The following HS3ST2 variants were observed in gnomAD, a reference collection of about 807,000 sequenced individuals.
HS3ST2 encodes heparan sulfate-glucosamine 3-sulfotransferase 2.
A neutral mutation model predicts 26.3 loss-of-function variants in HS3ST2; 17 were observed. That is an observed-to-expected ratio of 0.65 (90% CI 0.44 to 0.97). The LOEUF is 0.97. HS3ST2 is among the 50% of genes least tolerant of loss of function. HS3ST2 has a pLI of 0.00. For synonymous variants in HS3ST2, 237 were observed against 219.2 expected, an observed-to-expected ratio of 1.08 and a Z score of -0.72; for missense variants, 402 against 501.2, an observed-to-expected ratio of 0.80 and a Z score of 1.89.
At chr16:22,902,287 G>C (rs1749511347) in intron 1 of HS3ST2, among the ~76,000 whole-genome samples, 3 of 152,108 alleles carry the variant, frequency 2.0e-5, no homozygotes, top group Admixed American at 1.3e-4. Flanking sequence ...GTTGTTTCTG[G>C]TCTTTTTTTT....
chr16:22,861,890 A>C (rs1901679481), intron 1 of HS3ST2, among the ~76,000 whole-genome samples: 1 of 152,156 alleles, frequency 6.6e-6, no homozygotes, highest in Non-Finnish European at 1.5e-5. Flanking sequence ...TCTGCTCCCC[A>C]GTCTCAGCCT....
rs1902486035 is a variant in HS3ST2, at chr16:22,915,662, A to G, written c.*100A>G. On this transcript the variant is annotated 3_prime_UTR_variant, in exon 2 of 2. Transcript: ENST00000261374. ...TCTCCCTCCAACAAACCCTGGCTCC[A>G]GCCCCCTTTCCCAACTTGAGTTGCA... is the stretch of plus-strand genomic sequence containing the variant. 7.4e-7 allele frequency: 1 copy of G among 1,347,188 alleles called. No homozygotes were observed. The highest frequency in any genetic ancestry group is 1.5e-5 in the African/African-American group (1 of 68,214). The allele number at this position is 1,347,188 out of a possible 1,614,324, so 83.5% of individuals were successfully genotyped here.
intron 1 of HS3ST2, among the ~76,000 whole-genome samples, chr16:22,891,643 C>G (rs891727329): frequency 6.6e-6 from 1 of 152,136 alleles, no homozygotes; most frequent in Non-Finnish European, 1.5e-5. Flanking sequence ...ATTTCTTTGA[C>G]GTCTAATGAC....
intron 1 of HS3ST2, among the ~76,000 whole-genome samples, chr16:22,885,023 T>C (rs1902041985): frequency 1.3e-5 from 2 of 152,016 alleles, no homozygotes; most frequent in South Asian, 4.2e-4. Context: ...TTATTTTTAG[T>C]AGAGATAGGG....
At position 22,915,406 on chromosome 16, in the gene HS3ST2, A is replaced by C; in HGVS notation, c.948A>C (p.Lys316Asn). ...NKTKGFPCLK[K>N]TESSLLPRCL... is the part of the protein sequence containing the mutation. ...CCAAAGGATTCCCTTGCTTGAAAAAAACAGAATCGAGCCTCCTGCCTCGAT... is the reference window on the plus strand; with the variant it reads ...CCAAAGGATTCCCTTGCTTGAAAAACACAGAATCGAGCCTCCTGCCTCGAT... The change falls in exon 2 of 2, where the codon AAA becomes AAC. Residue 316 changes from lysine to asparagine, a missense_variant. Coordinates refer to ENST00000261374, the MANE Select transcript of HS3ST2 (RefSeq NM_006043.2). 2 of 1,614,214 alleles carry C rather than the reference A, an allele frequency of 1.2e-6. No individual in the cohort carries two copies. The highest frequency in any genetic ancestry group is 2.2e-5 in the South Asian group (2 of 91,076).
At chr16:22,825,504 G>A (rs992131476) in intron 1 of HS3ST2, among the ~76,000 whole-genome samples, 1 of 152,162 alleles carries the variant, frequency 6.6e-6, no homozygotes, top group Non-Finnish European at 1.5e-5. Context: ...AGAGATACAA[G>A]GAGAGCTATA....
chr16:22,889,211 T>G (rs1210638205), intron 1 of HS3ST2, among the ~76,000 whole-genome samples: 2 of 152,298 alleles, frequency 1.3e-5, no homozygotes, highest in African/African-American at 4.8e-5. Flanking sequence ...GGACAAAGGA[T>G]TAAGCAGAGA....
intron 1 of HS3ST2, among the ~76,000 whole-genome samples, chr16:22,860,587 A>C (rs1014253012): frequency 2.6e-5 from 4 of 152,138 alleles, no homozygotes; most frequent in Non-Finnish European, 5.9e-5. Flanking sequence ...TCCCACCTCT[A>C]GGCAGGAATT....
chr16:22,842,067 T>C (rs897693836), intron 1 of HS3ST2, among the ~76,000 whole-genome samples: 8 of 145,706 alleles, frequency 5.5e-5, no homozygotes, highest in East Asian at 3.9e-4. Flanking sequence ...TCTTTCTTTT[T>C]TTTTTTTTTT....
intron 1 of HS3ST2, among the ~76,000 whole-genome samples, chr16:22,827,161 G>A (rs1369156398): frequency 1.3e-5 from 2 of 152,152 alleles, no homozygotes; most frequent in Non-Finnish European, 2.9e-5. Flanking sequence ...AGCAGCACAC[G>A]TGCAAAGGCC....
At chr16:22,893,634 C>CTTTTTTTTTTTTTTTTTTTTTTTT (rs56664558) in intron 1 of HS3ST2, among the ~76,000 whole-genome samples, 1 of 130,278 alleles carries the variant, frequency 7.7e-6, no homozygotes, top group African/African-American at 2.9e-5. Context: ...TTTTTCTTTT[C>CTTTTTTTTTTTTTTTTTTTTTTTT]TTTTTTTTTT....
chr16:22,830,925 G>C (rs1273135735), intron 1 of HS3ST2, among the ~76,000 whole-genome samples: 3 of 152,158 alleles, frequency 2.0e-5, no homozygotes, highest in Admixed American at 1.3e-4. Flanking sequence ...CCTAAATGAG[G>C]CTCCTCAACT....
chr16:22,822,635 C>T (rs1334969781), intron 1 of HS3ST2, among the ~76,000 whole-genome samples: 2 of 152,104 alleles, frequency 1.3e-5, no homozygotes, highest in Non-Finnish European at 2.9e-5. Context: ...AGGTGGATCA[C>T]CTGAGGTCAG....
intron 1 of HS3ST2, among the ~76,000 whole-genome samples, chr16:22,901,858 T>C (rs1902285687): frequency 6.6e-6 from 1 of 152,164 alleles, no homozygotes; most frequent in African/African-American, 2.4e-5. Context: ...TCCTAAATAA[T>C]ATCAATGGAG....
rs374187052 is a variant in HS3ST2 at position 22,915,924 on chromosome 16, G to A, written c.*362G>A. 8.8e-5 allele frequency: 19 copies of A among 215,824 alleles called. No individual in the cohort carries two copies. The South Asian group carries it at 1.7e-3, about 20-fold the overall frequency. 13.4% of individuals were successfully genotyped at this position (215,824 alleles called of 1,614,324 possible). ...TTCTGTTGCTATGAACACAGCAGTC[G>A]GTCCCTGTCATTGTCCACCCAGGAG... On this transcript the variant is annotated 3_prime_UTR_variant, in exon 2 of 2. Transcript: ENST00000261374.
In HS3ST2 at chr16:22,824,142, G is replaced by C. The variant is rs574314323; in HGVS notation, c.485+9047G>C. 5.8e-4 allele frequency among the ~76,000 whole-genome samples: 88 copies of C among 152,342 alleles called. 1 individual carries two copies. The South Asian group carries it at 0.012, about 21-fold the overall frequency. ...GCAATTTATGAGACAGTGGCACAAG[G>C]CTTTTCTTTATTTTAATTTTGAGGC... On this transcript the variant is annotated intron_variant, in intron 1 of 1. Coordinates refer to ENST00000261374, the MANE Select transcript of HS3ST2 (RefSeq NM_006043.2).
At chr16:22,882,327 A>T (rs1038898650) in intron 1 of HS3ST2, among the ~76,000 whole-genome samples, 23 of 152,158 alleles carry the variant, frequency 1.5e-4, no homozygotes, top group African/African-American at 5.6e-4. Context: ...AGACTACTGC[A>T]CTCCAGTCTG....
chr16:22,866,306 C>T lies in HS3ST2; in HGVS notation c.486-48638C>T, dbSNP rs148853896. On this transcript the variant is annotated intron_variant, in intron 1 of 1. Transcript: ENST00000261374. ...AGATTTTGGCAGAGGGGAGAATTCG[C>T]GCAAGCACGTGCGCGCGCGCGCACA... 2.3e-3 allele frequency among the ~76,000 whole-genome samples: 346 copies of T among 151,120 alleles called. 4 individuals carry two copies. Among genetic ancestry groups the T allele is most frequent in the African/African-American group, 8.0e-3 (328 of 40,858 alleles).
chr16:22,912,676 G>A (rs1456598919), intron 1 of HS3ST2, among the ~76,000 whole-genome samples: 7 of 152,044 alleles, frequency 4.6e-5, no homozygotes, highest in Non-Finnish European at 8.8e-5. Context: ...AGGCAGCTCT[G>A]CAGTCATATT....
Sources: allele counts gnomAD v4.1 joint callset (sites outside exome capture counted in the v4.1 genomes callset), GRCh38; gene constraint gnomAD v4.1.1; transcripts MANE v1.5; gene names NCBI Gene and HGNC (gene_info 2026-07-23, HGNC 2026-07-21).